TYW1: variants seen among roughly 807,000 people sequenced by gnomAD.
TYW1 encodes the protein tRNA-yW synthesizing protein 1 homolog.
In TYW1, 46 loss-of-function variants were observed where a neutral mutation model predicts 96.2. The observed-to-expected ratio is 0.48, with a 90% confidence interval of 0.38 to 0.61. The LOEUF (loss-of-function observed/expected upper bound fraction) is 0.61. Among genes scored for constraint, TYW1 ranks in the 20% least tolerant of loss-of-function variants. TYW1 has a pLI of 0.00. For missense variants in TYW1, 684 were observed against 909.6 expected, an observed-to-expected ratio of 0.75 and a Z score of 3.19; for synonymous variants, 274 against 323.0, an observed-to-expected ratio of 0.85 and a Z score of 1.63.
chr7:67,205,548 G>T (rs1800764330), intron 15 of TYW1, among the ~76,000 whole-genome samples: 1 of 151,670 alleles, frequency 6.6e-6, no homozygotes, highest in South Asian at 2.1e-4. Flanking sequence ...TACAGCTGGA[G>T]GGGAGGAGGA....
At chr7:67,107,192 A>G (rs542927457) in intron 12 of TYW1, among the ~76,000 whole-genome samples, 9 of 152,220 alleles carry the variant, frequency 5.9e-5, no homozygotes, top group Non-Finnish European at 1.3e-4. Context: ...AACAGCTACA[A>G]TGAAATGAAG....
chr7:67,171,261 T>C (rs1799504257), intron 13 of TYW1, among the ~76,000 whole-genome samples: 1 of 152,158 alleles, frequency 6.6e-6, no homozygotes, highest in African/African-American at 2.4e-5. Flanking sequence ...CATTTCTGAT[T>C]TTAGTTATCT....
intron 13 of TYW1, among the ~76,000 whole-genome samples, chr7:67,167,642 C>T (rs979280985): frequency 4.0e-5 from 6 of 151,470 alleles, no homozygotes; most frequent in African/African-American, 1.5e-4. Flanking sequence ...TGATTCAATG[C>T]TGTTTATTTT....
At chr7:67,027,830 T>C (rs562304226) in intron 7 of TYW1, among the ~76,000 whole-genome samples, 1 of 150,724 alleles carries the variant, frequency 6.6e-6, no homozygotes, top group East Asian at 1.9e-4. Flanking sequence ...CTCGGGAGGC[T>C]GAGGCAAGAG....
chr7:67,223,310 AT>A (rs780747392), intron 15 of TYW1, among the ~76,000 whole-genome samples: 77 of 151,982 alleles, frequency 5.1e-4, no homozygotes, highest in Non-Finnish European at 4.1e-4. Flanking sequence ...TGTGAATCAG[AT>A]TCTTTGCCTC....
chr7:67,134,590 G>A (rs1798185813), intron 13 of TYW1, among the ~76,000 whole-genome samples: 1 of 151,614 alleles, frequency 6.6e-6, no homozygotes, highest in African/African-American at 2.4e-5. Flanking sequence ...AAACAACTCT[G>A]TGAACCTTAG....
chr7:67,080,397 G>A (rs1796344431), intron 10 of TYW1, among the ~76,000 whole-genome samples: 1 of 143,498 alleles, frequency 7.0e-6, no homozygotes, highest in South Asian at 2.2e-4. Context: ...AGCTACTCTT[G>A]CTTACTTTTT....
chr7:67,046,098 A>G (rs1795177869), intron 7 of TYW1, among the ~76,000 whole-genome samples: 1 of 152,158 alleles, frequency 6.6e-6, no homozygotes, highest in Admixed American at 6.6e-5. Flanking sequence ...ATGAGGCAGT[A>G]TAATTAGTGA....
chr7:67,020,982 T>G (rs561462636), intron 6 of TYW1, among the ~76,000 whole-genome samples: 2 of 152,388 alleles, frequency 1.3e-5, no homozygotes, highest in Admixed American at 1.3e-4. Context: ...GAGCCGAGAT[T>G]GCGTCACTGC....
At chr7:67,121,290 C>A (rs1235696444) in intron 13 of TYW1, among the ~76,000 whole-genome samples, 1 of 152,206 alleles carries the variant, frequency 6.6e-6, no homozygotes, top group Non-Finnish European at 1.5e-5. Flanking sequence ...ATTCCCAGCA[C>A]TTTGGGAGGC....
At chr7:67,115,268 G>C (rs6970346) in intron 12 of TYW1, among the ~76,000 whole-genome samples, 1 of 144,144 alleles carries the variant, frequency 6.9e-6, no homozygotes, top group Non-Finnish European at 1.5e-5. Context: ...TTAAATAGAA[G>C]TCCAGTTAAG....
Position 67,036,160 on chromosome 7 carries a change from C to T in TYW1, c.984+11138C>T, listed in dbSNP as rs1794836777. Among the ~76,000 whole-genome samples the T allele has an allele frequency of 1.3e-5, 2 of 148,894 alleles. 1 individual carries two copies. Among genetic ancestry groups the T allele is most frequent in the Non-Finnish European group, 3.0e-5 (2 of 66,970 alleles). ...CTTATAATGAGTCTAAAAGTCTGAG[C>T]ACCAGACTGGGCTCCAGGGAATAGA... On this transcript the variant is annotated intron_variant, in intron 7 of 15. Transcript: ENST00000359626.
chr7:67,167,197 C>T (rs1488192414), intron 13 of TYW1, among the ~76,000 whole-genome samples: 3 of 152,054 alleles, frequency 2.0e-5, no homozygotes, highest in Non-Finnish European at 4.4e-5. Flanking sequence ...TGGCCGGGCG[C>T]GGCGGCTCAC....
At chr7:67,012,051 T>A (rs1793822315) in intron 4 of TYW1, among the ~76,000 whole-genome samples, 1 of 151,554 alleles carries the variant, frequency 6.6e-6, no homozygotes, top group African/African-American at 2.4e-5. Context: ...ACTAAAACTT[T>A]CTTTAAAAAA....
intron 15 of TYW1, among the ~76,000 whole-genome samples, chr7:67,230,652 C>CTTTTTTTTTTTTTTTTTTTTTTTTTT (rs34585182): frequency 8.4e-6 from 1 of 119,560 alleles, no homozygotes; most frequent in Non-Finnish European, 1.7e-5. Context: ...CTTATTATCT[C>CTTTTTTTTTTTTTTTTTTTTTTTTTT]TTTTTTTTTT....
intron 13 of TYW1, among the ~76,000 whole-genome samples, chr7:67,121,554 T>C (rs1797761171): frequency 6.6e-6 from 1 of 151,868 alleles, no homozygotes; most frequent in African/African-American, 2.4e-5. Context: ...AATAAATATA[T>C]TACAATAAAA....
chr7:67,114,183 C>T (rs1797518330), intron 12 of TYW1: 1 of 152,766 alleles, frequency 6.5e-6, no homozygotes, highest in Non-Finnish European at 1.5e-5. Flanking sequence ...ATCTGACAGC[C>T]TCAGATTGTC....
Position 67,222,870 on chromosome 7 carries a change from T to C in TYW1, c.1978-15438T>C, listed in dbSNP as rs111810226. 4.3e-3 allele frequency among the ~76,000 whole-genome samples: 316 copies of C among 72,798 alleles called. 2 individuals carry two copies. The highest frequency in any genetic ancestry group is 9.3e-3 in the Middle Eastern group (1 of 108). 47.8% of individuals were successfully genotyped at this position (72,798 alleles called of 152,430 possible). ...TAATCTCTGTTCGCTTTTTTTCTTT[T>C]TTTTTTTTTTTTTTTGCTATTCGGA... On this transcript the variant is annotated intron_variant, in intron 15 of 15. Transcript: ENST00000359626.
intron 14 of TYW1, among the ~76,000 whole-genome samples, chr7:67,185,733 G>A (rs1323708257): frequency 6.6e-6 from 1 of 152,170 alleles, no homozygotes; most frequent in African/African-American, 2.4e-5. Context: ...TCAGGGGTAA[G>A]ATAGGGCTAG....
Sources: allele counts gnomAD v4.1 joint callset (sites outside exome capture counted in the v4.1 genomes callset), GRCh38; gene constraint gnomAD v4.1.1; transcripts MANE v1.5; gene names NCBI Gene and HGNC (gene_info 2026-07-23, HGNC 2026-07-21).